The following ROCK2 variants were observed in gnomAD, a reference collection of about 807,000 sequenced individuals.
ROCK2 encodes the protein rho-associated protein kinase 2.
A neutral mutation model predicts 195.1 loss-of-function variants in ROCK2; 61 were observed. The ratio of observed to expected loss-of-function variants is 0.31; its 90% CI spans 0.25 to 0.39. The LOEUF (loss-of-function observed/expected upper bound fraction) is 0.39, where lower values mean the gene tolerates loss of function less well. ROCK2 is among the 10% of genes least tolerant of loss of function. The pLI, the probability that ROCK2 is intolerant of heterozygous loss-of-function variation, is 1.00. For synonymous variants in ROCK2, 504 were observed against 545.5 expected (o/e 0.92, Z 1.06); for missense variants, 1,109 against 1,637.4 (o/e 0.68, Z 5.57).
At chr2:11,279,693 A>G (rs1432450573) in intron 3 of ROCK2, among the ~76,000 whole-genome samples, 1 of 152,230 alleles carries the variant, frequency 6.6e-6, no homozygotes, top group Admixed American at 6.5e-5. Context: ...TATAACTGAC[A>G]TCTATAGACT....
intron 1 of ROCK2, among the ~76,000 whole-genome samples, chr2:11,343,477 T>C (rs1669173602): frequency 6.6e-6 from 1 of 152,180 alleles, no homozygotes; most frequent in South Asian, 2.1e-4. Flanking sequence ...TATGGAATGC[T>C]CAAACGCAAG....
chr2:11,226,242 C>A (rs973951618), intron 6 of ROCK2, among the ~76,000 whole-genome samples: 1 of 152,074 alleles, frequency 6.6e-6, no homozygotes, highest in East Asian at 1.9e-4. Context: ...ATTTTTATGA[C>A]CCCAGTACTT....
chr2:11,295,990 G>GAGGA (rs1553313903), intron 1 of ROCK2, among the ~76,000 whole-genome samples: 22 of 28,424 alleles, frequency 7.7e-4, no homozygotes, highest in African/African-American at 1.8e-3. Context: ...GAGAGAGAGA[G>GAGGA]GAGAGAGAGA....
intron 1 of ROCK2, among the ~76,000 whole-genome samples, chr2:11,320,342 T>C (rs1332393060): frequency 6.6e-6 from 1 of 152,214 alleles, no homozygotes; most frequent in Non-Finnish European, 1.5e-5. Context: ...ACTTTTTCAA[T>C]ATTCTTTACC....
At chr2:11,267,329 T>G (rs1385577563) in intron 3 of ROCK2, among the ~76,000 whole-genome samples, 2 of 152,130 alleles carry the variant, frequency 1.3e-5, no homozygotes, top group Non-Finnish European at 2.9e-5. Context: ...TCAGAAAGAC[T>G]CACGCCTGTG....
Position 11,208,954 on chromosome 2 carries a change from T to C in ROCK2, c.2204-507A>G, listed in dbSNP as rs114613369. ...AAAATTAGGAGTTTCATTCACAGGGTGTAAAAATGTATCACACTCTGCAAT... is the reference window on the plus strand; with the variant it reads ...AAAATTAGGAGTTTCATTCACAGGGCGTAAAAATGTATCACACTCTGCAAT... On this transcript the variant is annotated intron_variant, in intron 18 of 32. Transcript: ENST00000315872. Among the ~76,000 whole-genome samples the C allele has an allele frequency of 3.0e-3, 459 of 152,344 alleles. 2 individuals are homozygous for C. The highest frequency in any genetic ancestry group is 9.8e-3 in the African/African-American group (408 of 41,576).
chr2:11,268,539 TGTGTG>T (rs1261634272), intron 3 of ROCK2, among the ~76,000 whole-genome samples: 1 of 151,550 alleles, frequency 6.6e-6, no homozygotes, highest in Admixed American at 6.6e-5. Context: ...TGTGTGTGTG[TGTGTG>T]TGTGTGTGTG....
In ROCK2 at chr2:11,193,861, TA is replaced by T; in HGVS notation, c.3609-5del. ...TGGTCGGACATGAAATAACTTGCTATAAAAAATTTTGAATAAAGGAATAAAA... is the reference window on the plus strand; with the variant it reads ...TGGTCGGACATGAAATAACTTGCTATAAAAATTTTGAATAAAGGAATAAAA... On this transcript the variant is annotated splice_polypyrimidine_tract_variant and splice_region_variant and intron_variant, in intron 29 of 32. Transcript: ENST00000315872. 1.3e-6 allele frequency: 2 copies of T among 1,564,382 alleles called. No individual in the cohort carries two copies. Among genetic ancestry groups the T allele is most frequent in the Non-Finnish European group, 8.8e-7 (1 of 1,141,444 alleles).
At chr2:11,200,623 C>T (rs1210768354) in intron 23 of ROCK2, among the ~76,000 whole-genome samples, 4 of 151,778 alleles carry the variant, frequency 2.6e-5, no homozygotes, top group Non-Finnish European at 5.9e-5. Flanking sequence ...TGATATTTGA[C>T]CTCTCTCTGA....
In ROCK2 at chr2:11,197,121, T is replaced by G; in HGVS notation, c.3448+59A>C. ...CTTCAGAGCAGTCAGTCGCAAGACT[T>G]AAAACAATCAACTGATTTATATTTA... is the stretch of plus-strand genomic sequence containing the variant. On this transcript the variant is annotated intron_variant, in intron 27 of 32. Transcript: ENST00000315872. The surrounding 1 kb of genome is among the most constrained non-coding windows in gnomAD (Gnocchi z 4.9). 1 of 1,290,798 alleles carries G rather than the reference T, an allele frequency of 7.7e-7. No homozygotes were observed. Among genetic ancestry groups the G allele is most frequent in the Non-Finnish European group, 1.0e-6 (1 of 955,100 alleles). The allele number at this position is 1,290,798 out of a possible 1,614,324, so 80.0% of individuals were successfully genotyped here. A position where few individuals can be genotyped will look rare whatever the true frequency, so the allele number is the denominator to read the frequency against.
intron 1 of ROCK2, among the ~76,000 whole-genome samples, chr2:11,330,025 G>A (rs761846605): frequency 6.6e-6 from 1 of 152,070 alleles, no homozygotes; most frequent in Non-Finnish European, 1.5e-5. Context: ...GGAGCATCTT[G>A]TACAACACTG....
chr2:11,216,265 ATAAATT>A, intron 12 of ROCK2, 59 bp from the exon 13 acceptor site: 1 of 1,231,190 alleles, frequency 8.1e-7, no homozygotes, highest in Non-Finnish European at 1.2e-6. Context: ...AACATAGTCT[ATAAATT>A]TAAAAGTAAT....
chr2:11,323,780 C>A (rs1668467013), intron 1 of ROCK2, among the ~76,000 whole-genome samples: 1 of 152,152 alleles, frequency 6.6e-6, no homozygotes, highest in Admixed American at 6.5e-5. Context: ...CCTTCCCCCA[C>A]TATCAACATC....
intron 1 of ROCK2, among the ~76,000 whole-genome samples, chr2:11,294,366 C>T (rs1392609799): frequency 6.6e-6 from 1 of 152,146 alleles, no homozygotes; most frequent in Non-Finnish European, 1.5e-5. Flanking sequence ...TGATGCCAAA[C>T]ACTTTATATA....
intron 5 of ROCK2, chr2:11,234,195 T>G (rs1355885524): frequency 2.0e-5 from 3 of 152,172 alleles, no homozygotes; most frequent in Non-Finnish European, 2.9e-5. Context: ...AATTTAAGTA[T>G]TTGCTTACAT....
rs141774190 is a variant in ROCK2, at chr2:11,199,919, T to C, written c.2910+1038A>G. 3.0e-3 allele frequency among the ~76,000 whole-genome samples: 459 copies of C among 152,316 alleles called. 2 individuals carry two copies. The highest frequency in any genetic ancestry group is 9.8e-3 in the African/African-American group (408 of 41,566). On this transcript the variant is annotated intron_variant, in intron 23 of 32. Coordinates refer to ENST00000315872, the MANE Select transcript of ROCK2 (RefSeq NM_004850.5). ...TACTGGAAACTGTCATACTACTTAC[T>C]GTACTATGCCATACTAAATTTATAC...
At chr2:11,241,720 C>T (rs1015253122) in intron 4 of ROCK2, among the ~76,000 whole-genome samples, 5 of 152,058 alleles carry the variant, frequency 3.3e-5, no homozygotes, top group African/African-American at 7.2e-5. Context: ...TATGGAAACA[C>T]GTAAAATTGA....
rs1006640631 is a variant in ROCK2, at chr2:11,269,091, A to T, written c.324+17448T>A. ...GTTATTGTACTTTTCAGCTCTAGAA[A>T]TTTTTTGGTTTCTTTTTAGGTTTTC... On this transcript the variant is annotated intron_variant, in intron 3 of 32. Transcript: ENST00000315872. Among the ~76,000 whole-genome samples, 4 of 152,204 alleles carry T rather than the reference A, an allele frequency of 2.6e-5. No individual in the cohort carries two copies. The East Asian group carries it at 7.7e-4, about 29-fold the overall frequency.
chr2:11,308,360 C>G, intron 1 of ROCK2: 1 of 1,277,390 alleles, frequency 7.8e-7, no homozygotes, highest in Non-Finnish European at 1.1e-6. Flanking sequence ...TGATGTTTAG[C>G]CTGTCCCATT....
Sources: gnomAD v4.1 joint callset for allele counts (sites outside exome capture counted in the v4.1 genomes callset) on GRCh38, gnomAD v4.1.1 for gene constraint, Gnocchi (gnomAD v3.1) non-coding constraint, MANE v1.5 for transcripts, NCBI Gene and HGNC (gene_info 2026-07-23, HGNC 2026-07-21) for gene names.